The following BCAT1 variants were observed in gnomAD, a reference collection of about 807,000 sequenced individuals.
BCAT1 encodes the protein branched chain amino acid transaminase 1, also known as branched-chain-amino-acid aminotransferase, cytosolic.
A neutral mutation model predicts 52.4 loss-of-function variants in BCAT1; 48 were observed. The ratio of observed to expected loss-of-function variants is 0.92; its 90% CI spans 0.73 to 1.16. BCAT1 has a LOEUF of 1.16. Among genes scored for constraint, BCAT1 ranks in the 50% most tolerant of loss-of-function variants. The probability of loss-of-function intolerance (pLI) is 0.00; values close to 1 mark genes in which losing one functional copy is unlikely to be tolerated. For missense variants in BCAT1, 451 were observed against 457.1 expected (o/e 0.99, Z 0.12); for synonymous variants, 167 against 161.3 (o/e 1.04, Z -0.27).
intron 1 of BCAT1, among the ~76,000 whole-genome samples, chr12:24,947,167 CCACACACACACACACA>C (rs57265449): frequency 2.1e-4 from 29 of 141,246 alleles, no homozygotes; most frequent in South Asian, 9.5e-4. Context: ...CGTCTTCCCT[CCACACACACACACACA>C]CACACACACA....
chr12:24,836,960 A>G (rs1181890194), intron 7 of BCAT1, among the ~76,000 whole-genome samples: 1 of 62,624 alleles, frequency 1.6e-5, no homozygotes, highest in Non-Finnish European at 4.3e-5. Context: ...GAAAGAAAAG[A>G]GAAAGAAAGA....
intron 7 of BCAT1, among the ~76,000 whole-genome samples, chr12:24,838,608 C>A (rs184111203): frequency 5.9e-5 from 9 of 152,234 alleles, no homozygotes; most frequent in Admixed American, 4.6e-4. Flanking sequence ...AAAACAGCAG[C>A]CCCGCATGTG....
At chr12:24,922,991 T>G (rs1296666696) in intron 1 of BCAT1, among the ~76,000 whole-genome samples, 1 of 152,198 alleles carries the variant, frequency 6.6e-6, no homozygotes, top group East Asian at 1.9e-4. Flanking sequence ...CAGGATGCAC[T>G]TAACTCCTCC....
rs150799641 is a variant in BCAT1, at chr12:24,874,180, G to A, written c.510+4350C>T. Among the ~76,000 whole-genome samples, 893 of 152,194 alleles carry A rather than the reference G, an allele frequency of 5.9e-3. 4 individuals carry two copies. The highest frequency in any genetic ancestry group is 9.8e-3 in the Non-Finnish European group (664 of 68,006). ...AGTACAAAAATTAGCTGGGCATGGT[G>A]GCACGCACCTGTAGTCCCCGCTAAT... is the stretch of plus-strand genomic sequence containing the variant. On this transcript the variant is annotated intron_variant, in intron 5 of 10. Coordinates refer to ENST00000261192, the MANE Select transcript of BCAT1 (RefSeq NM_005504.7).
At chr12:24,839,525 T>C (rs1941109994) in intron 7 of BCAT1, among the ~76,000 whole-genome samples, 1 of 152,234 alleles carries the variant, frequency 6.6e-6, no homozygotes. Context: ...ATGGGTTAAA[T>C]TACTCATCAA....
chr12:24,871,952 A>AAT (rs748410946), intron 5 of BCAT1, among the ~76,000 whole-genome samples: 58 of 152,086 alleles, frequency 3.8e-4, no homozygotes, highest in African/African-American at 1.2e-3. Flanking sequence ...TAAACAGTGG[A>AAT]ATATATATAT....
chr12:24,822,991 C>CT (rs1214311791), intron 10 of BCAT1, among the ~76,000 whole-genome samples: 1 of 150,708 alleles, frequency 6.6e-6, no homozygotes, highest in Non-Finnish European at 1.5e-5. Flanking sequence ...TACTTTTAAA[C>CT]TTTTTTACAT....
rs1202541237 is a variant in BCAT1 at position 24,836,883 on chromosome 12, A to AAG, written c.818-289_818-288dup. Among the ~76,000 whole-genome samples the AAG allele has an allele frequency of 1.2e-4, 4 of 32,752 alleles. 1 individual carries two copies. The highest frequency in any genetic ancestry group is 1.6e-4 in the African/African-American group (2 of 12,344). 21.5% of individuals were successfully genotyped at this position (32,752 alleles called of 152,430 possible). ...AAGGAAGGAAGGAAAGAGAAAGAGA[A>AAG]AGAAAGAAAGAAAGAAAAGAAAGAG... On this transcript the variant is annotated intron_variant, in intron 7 of 10. Transcript: ENST00000261192.
chr12:24,892,059 T>TTTTTGTTTTGTTTTGTTTTG (rs3044287), intron 3 of BCAT1, among the ~76,000 whole-genome samples: 187 of 144,556 alleles, frequency 1.3e-3, no homozygotes, highest in Admixed American at 4.1e-3. Flanking sequence ...GCCTGGCCGT[T>TTTTTGTTTTGTTTTGTTTTG]TTTTGTTTTG....
At chr12:24,927,000 A>G (rs1943599549) in intron 1 of BCAT1, among the ~76,000 whole-genome samples, 1 of 152,102 alleles carries the variant, frequency 6.6e-6, no homozygotes, top group African/African-American at 2.4e-5. Context: ...CCTCACTTGT[A>G]TGTTACATGT....
At chr12:24,830,002 G>T in intron 9 of BCAT1, 105 bp from the exon 10 acceptor site, 1 of 760,232 alleles carries the variant, frequency 1.3e-6, no homozygotes, top group African/African-American at 1.8e-5. Context: ...TTCCACTGAA[G>T]TTAAGGAATA....
At chr12:24,829,780 A>G (rs1940571768) in intron 10 of BCAT1, 43 bp downstream of exon 10, 2 of 1,259,572 alleles carry the variant, frequency 1.6e-6, no homozygotes, top group Non-Finnish European at 1.1e-6. Flanking sequence ...CATAAAAAAA[A>G]GAAAAGAAAA....
chr12:24,893,256 A>G (rs1942887069), intron 3 of BCAT1, among the ~76,000 whole-genome samples: 1 of 152,236 alleles, frequency 6.6e-6, no homozygotes, highest in African/African-American at 2.4e-5. Flanking sequence ...TATTGCTAAC[A>G]ACTGGGCTCT....
At position 24,849,964 on chromosome 12, in the gene BCAT1, A is replaced by C; in HGVS notation, c.511-15T>G. On this transcript the variant is annotated splice_polypyrimidine_tract_variant and intron_variant, in intron 5 of 10. Coordinates refer to ENST00000261192, the MANE Select transcript of BCAT1 (RefSeq NM_005504.7). ...CCAAGAGAAGGCTGCAACAAAGTAGAAGTACATACAACTGTAACTTAAAAT... is the reference window on the plus strand; with the variant it reads ...CCAAGAGAAGGCTGCAACAAAGTAGCAGTACATACAACTGTAACTTAAAAT... The C allele has an allele frequency of 1.3e-6, 2 of 1,592,952 alleles. No individual in the cohort carries two copies. The highest frequency in any genetic ancestry group is 1.7e-6 in the Non-Finnish European group (2 of 1,165,802).
intron 1 of BCAT1, among the ~76,000 whole-genome samples, chr12:24,928,401 G>A (rs1815301478): frequency 6.6e-6 from 1 of 152,164 alleles, no homozygotes; most frequent in Non-Finnish European, 1.5e-5. Context: ...CACTTTGGGA[G>A]GCTGAGGCAG....
At chr12:24,915,485 C>T (rs1040067072) in intron 1 of BCAT1, among the ~76,000 whole-genome samples, 2 of 152,174 alleles carry the variant, frequency 1.3e-5, no homozygotes, top group Admixed American at 6.5e-5. Flanking sequence ...CAGGGAATTA[C>T]ATACAATAAA....
At chr12:24,838,484 T>G (rs1941071878) in intron 7 of BCAT1, among the ~76,000 whole-genome samples, 1 of 146,778 alleles carries the variant, frequency 6.8e-6, no homozygotes, top group Admixed American at 7.1e-5. Context: ...TACATAAATG[T>G]ATGGATCTAT....
In BCAT1 at chr12:24,816,076, A is replaced by G. The variant is rs1939863357; in HGVS notation, c.*1932T>C. On this transcript the variant is annotated 3_prime_UTR_variant, in exon 11 of 11. Transcript: ENST00000261192. ...GGCCTGAAAAGAACAGCTTCTCCCA[A>G]GATTTCAGATCACCAATTAAAAGCC... The G allele has an allele frequency of 6.5e-6, 1 of 153,176 alleles. No homozygotes were observed. Among genetic ancestry groups the G allele is most frequent in the Non-Finnish European group, 1.5e-5 (1 of 68,750 alleles). 9.5% of individuals were successfully genotyped at this position (153,176 alleles called of 1,614,324 possible). A position where few individuals can be genotyped will look rare whatever the true frequency, so the allele number is the denominator to read the frequency against.
At chr12:24,820,746 C>T (rs1182773953) in intron 10 of BCAT1, among the ~76,000 whole-genome samples, 5 of 152,238 alleles carry the variant, frequency 3.3e-5, no homozygotes, top group Admixed American at 1.3e-4. Flanking sequence ...CAAATTCCAG[C>T]GAGAACACTA....
Sources: gnomAD v4.1 joint callset for allele counts (sites outside exome capture counted in the v4.1 genomes callset) on GRCh38, gnomAD v4.1.1 for gene constraint, MANE v1.5 for transcripts, NCBI Gene and HGNC (gene_info 2026-07-23, HGNC 2026-07-21) for gene names.